Variants in ABLIM2 observed in about 807,000 individuals in gnomAD.
ABLIM2 encodes the protein actin binding LIM protein family member 2.
Under a neutral mutation model 97.7 loss-of-function variants are expected in ABLIM2, and 53 were observed. The ratio of observed to expected loss-of-function variants is 0.54; its 90% CI spans 0.44 to 0.68. ABLIM2 has a LOEUF of 0.68. Among genes scored for constraint, ABLIM2 ranks in the 30% least tolerant of loss-of-function variants. ABLIM2 has a pLI of 0.00. For missense variants in ABLIM2, 835 were observed against 867.2 expected (o/e 0.96, Z 0.47); for synonymous variants, 361 against 345.8 (o/e 1.04, Z -0.49).
chr4:8,110,513 C>A (rs1400701521), intron 1 of ABLIM2, among the ~76,000 whole-genome samples: 30 of 152,244 alleles, frequency 2.0e-4, no homozygotes, highest in Non-Finnish European at 4.4e-5. Context: ...CCAAGGATGC[C>A]AGGACCATGA....
At chr4:8,101,451 C>T (rs558108196) in intron 2 of ABLIM2, among the ~76,000 whole-genome samples, 24 of 152,348 alleles carry the variant, frequency 1.6e-4, no homozygotes, top group Middle Eastern at 3.4e-3. Flanking sequence ...TTCTCATAAA[C>T]GCCTGGAACG....
rs1332180273 is a variant in ABLIM2 at position 8,095,275 on chromosome 4, T to A, written c.338+1824A>T. Among the ~76,000 whole-genome samples, 1 of 152,028 alleles carries A rather than the reference T, an allele frequency of 6.6e-6. No homozygotes were observed. Among genetic ancestry groups the A allele is most frequent in the Non-Finnish European group, 1.5e-5 (1 of 68,012 alleles). On this transcript the variant is annotated intron_variant, in intron 3 of 20. Coordinates refer to ENST00000447017, the MANE Select transcript of ABLIM2 (RefSeq NM_001130083.2). The surrounding 1 kb of genome is among the most constrained non-coding windows in gnomAD (Gnocchi z 4.7). ...TGCACCACCATGCCAGACTAATTTT[T>A]AAATTTTTTGTAGAGACAGGGTCTT...
intron 9 of ABLIM2, among the ~76,000 whole-genome samples, chr4:8,036,613 G>A (rs1784626322): frequency 6.6e-6 from 1 of 152,164 alleles, no homozygotes; most frequent in African/African-American, 2.4e-5. Context: ...GCAGGCTTGG[G>A]TCCTGAGGCC....
Position 8,106,480 on chromosome 4 carries a change from C to T in ABLIM2, c.154+14G>A, listed in dbSNP as rs374427733. ...TTTCAGGGGCCACACTGCAGGGGAC[C>T]GGGGGACACTCACCTTTACAGACGA... On this transcript the variant is annotated intron_variant, in intron 2 of 20. Coordinates refer to ENST00000447017, the MANE Select transcript of ABLIM2 (RefSeq NM_001130083.2). 67 of 1,586,130 alleles carry T rather than the reference C, an allele frequency of 4.2e-5. No homozygotes were observed. The highest frequency in any genetic ancestry group is 3.6e-4 in the South Asian group (31 of 86,680).
intron 17 of ABLIM2, among the ~76,000 whole-genome samples, chr4:7,987,681 G>C (rs1004470189): frequency 4.6e-5 from 7 of 152,140 alleles, no homozygotes; most frequent in African/African-American, 1.7e-4. Context: ...AGCTTCCTTT[G>C]GTATTCCAGG....
intron 1 of ABLIM2, among the ~76,000 whole-genome samples, chr4:8,156,152 G>A (rs1236989138): frequency 1.5e-4 from 23 of 152,132 alleles, no homozygotes. Context: ...TCAAGGATCT[G>A]GTGCCCACTG....
chr4:8,043,528 C>T lies in ABLIM2; in HGVS notation c.900+1636G>A, dbSNP rs1391643338. ...GAGAGGTCATCAAGTTAAAACAAGA[C>T]CGTTAGGGTGGATCCAATCCAATCT... On this transcript the variant is annotated intron_variant, in intron 9 of 20. Coordinates refer to ENST00000447017, the MANE Select transcript of ABLIM2 (RefSeq NM_001130083.2). This position sits in a 1 kb window ranked among gnomAD's most constrained non-coding sequence, Gnocchi z 4.8. 1.3e-5 allele frequency among the ~76,000 whole-genome samples: 2 copies of T among 152,056 alleles called. No individual in the cohort carries two copies. The highest frequency in any genetic ancestry group is 2.9e-5 in the Non-Finnish European group (2 of 68,010).
Position 8,140,421 on chromosome 4 carries a change from C to T in ABLIM2, c.10+18259G>A, listed in dbSNP as rs151170582. On this transcript the variant is annotated intron_variant, in intron 1 of 20. Coordinates refer to ENST00000447017, the MANE Select transcript of ABLIM2 (RefSeq NM_001130083.2). The surrounding 1 kb of genome is among the most constrained non-coding windows in gnomAD (Gnocchi z 5.9). Reference sequence around the variant, plus strand: ...GGGATTTCATGCCAGGCAGGAACTTCGTGAAACAGTGCCAGAGGAGGACCG... The same window carrying T: ...GGGATTTCATGCCAGGCAGGAACTTTGTGAAACAGTGCCAGAGGAGGACCG... 1.3e-5 allele frequency among the ~76,000 whole-genome samples: 2 copies of T among 152,018 alleles called. No homozygotes were observed. Among genetic ancestry groups the T allele is most frequent in the East Asian group, 3.9e-4 (2 of 5,174 alleles).
At chr4:7,968,053 C>T (rs187106639) in intron 20 of ABLIM2, among the ~76,000 whole-genome samples, 4 of 152,356 alleles carry the variant, frequency 2.6e-5, no homozygotes, top group Admixed American at 1.3e-4. Context: ...CTGGCTCAGG[C>T]GTCCCCTCCC....
At chr4:8,143,503 G>C (rs953294884) in intron 1 of ABLIM2, among the ~76,000 whole-genome samples, 1 of 152,204 alleles carries the variant, frequency 6.6e-6, no homozygotes, top group African/African-American at 2.4e-5. Context: ...CATCTCGGGG[G>C]CTCTGCACTA....
At chr4:7,969,730 GACACACACACACAC>G (rs56236019) in intron 20 of ABLIM2, among the ~76,000 whole-genome samples, 4 of 139,574 alleles carry the variant, frequency 2.9e-5, no homozygotes, top group Non-Finnish European at 4.7e-5. Context: ...CTCTCTCTCT[GACACACACACACAC>G]ACACACACAC....
In ABLIM2 at chr4:8,045,161, T is replaced by G; in HGVS notation, c.900+3A>C. ...CCGTCCCCATAAAAAGGCCCTGACT[T>G]ACATAAATCACACGGCTCGGAGACC... is the stretch of plus-strand genomic sequence containing the variant. On this transcript the variant is annotated splice_donor_region_variant and intron_variant, in intron 9 of 20. Transcript: ENST00000447017. 1 of 1,613,356 alleles carries G rather than the reference T, an allele frequency of 6.2e-7. No individual in the cohort carries two copies. The highest frequency in any genetic ancestry group is 8.5e-7 in the Non-Finnish European group (1 of 1,179,368).
rs538371131 is a variant in ABLIM2 at position 8,023,427 on chromosome 4, T to C, written c.1268-3124A>G. ...AGGGTTTTTGCCTGATGTTTTCTCA[T>C]GGCGATACTGGGCTTATGGGGTTGA... On this transcript the variant is annotated intron_variant, in intron 12 of 20. Coordinates refer to ENST00000447017, the MANE Select transcript of ABLIM2 (RefSeq NM_001130083.2). The surrounding 1 kb of genome is among the most constrained non-coding windows in gnomAD (Gnocchi z 5.7). Among the ~76,000 whole-genome samples, 1 of 152,232 alleles carries C rather than the reference T, an allele frequency of 6.6e-6. No individual in the cohort carries two copies. Among genetic ancestry groups the C allele is most frequent in the African/African-American group, 2.4e-5 (1 of 41,470 alleles).
chr4:8,126,402 T>C (rs1348376199), intron 1 of ABLIM2, among the ~76,000 whole-genome samples: 1 of 151,732 alleles, frequency 6.6e-6, no homozygotes, highest in East Asian at 2.0e-4. Context: ...TCCAGGGGTC[T>C]GGGCTGCCTC....
intron 2 of ABLIM2, among the ~76,000 whole-genome samples, chr4:8,098,637 G>A (rs1832894473): frequency 6.6e-6 from 1 of 152,172 alleles, no homozygotes; most frequent in African/African-American, 2.4e-5. Flanking sequence ...GATTCCAGAT[G>A]CCGGAGCTGC....
intron 1 of ABLIM2, among the ~76,000 whole-genome samples, chr4:8,116,543 G>T (rs765798653): frequency 6.6e-5 from 10 of 152,304 alleles, no homozygotes; most frequent in Admixed American, 6.5e-4. Context: ...CACCATGATT[G>T]TCTGCAGACA....
intron 3 of ABLIM2, among the ~76,000 whole-genome samples, chr4:8,094,998 TTTTC>T (rs958547032): frequency 9.5e-5 from 12 of 126,476 alleles, no homozygotes; most frequent in Non-Finnish European, 1.3e-4. Flanking sequence ...TTCTTTTCCT[TTTTC>T]TTTCTTTCTC....
chr4:8,000,256 G>T (rs974448204), intron 16 of ABLIM2, among the ~76,000 whole-genome samples: 5 of 152,130 alleles, frequency 3.3e-5, no homozygotes, highest in African/African-American at 9.7e-5. Context: ...TCCACAGAGG[G>T]CTTGCCATGG....
At chr4:8,133,911 G>C (rs1284827337) in intron 1 of ABLIM2, among the ~76,000 whole-genome samples, 2 of 152,130 alleles carry the variant, frequency 1.3e-5, no homozygotes, top group Non-Finnish European at 2.9e-5. Flanking sequence ...GTCCATGGGG[G>C]GAGCACCTGT....
Sources: allele counts gnomAD v4.1 joint callset (sites outside exome capture counted in the v4.1 genomes callset), GRCh38; gene constraint gnomAD v4.1.1; non-coding constraint Gnocchi (gnomAD v3.1); transcripts MANE v1.5; gene names NCBI Gene and HGNC (gene_info 2026-07-23, HGNC 2026-07-21).